Variants in MOGAT2 observed in about 807,000 individuals in gnomAD.
The protein encoded by MOGAT2 is monoacylglycerol O-acyltransferase 2.
MOGAT2 carries 27 observed loss-of-function variants against 31.5 expected under a neutral mutation model. That is an observed-to-expected ratio of 0.86 (90% CI 0.63 to 1.18). MOGAT2 has a LOEUF of 1.18. MOGAT2 is among the 50% of genes most tolerant of loss of function. The pLI is 0.00. For missense variants in MOGAT2, 436 were observed against 433.2 expected, an observed-to-expected ratio of 1.01 and a Z score of -0.06; for synonymous variants, 163 against 170.0, an observed-to-expected ratio of 0.96 and a Z score of 0.32.
chr11:75,729,793 G>A (rs539408457), intron 5 of MOGAT2, among the ~76,000 whole-genome samples: 57 of 130,728 alleles, frequency 4.4e-4, no homozygotes, highest in African/African-American at 1.6e-3. Context: ...TGCCCAGGCT[G>A]GAGTGCAGTG....
intron 5 of MOGAT2, among the ~76,000 whole-genome samples, chr11:75,729,744 T>TC (rs1565302387): frequency 7.3e-6 from 1 of 137,286 alleles, no homozygotes; most frequent in African/African-American, 3.0e-5. Flanking sequence ...TTAATTCTTT[T>TC]TTTTTTTTGT....
intron 3 of MOGAT2, 58 bp downstream of exon 3, chr11:75,727,697 C>G (rs1179242194): frequency 1.3e-6 from 2 of 1,513,186 alleles, no homozygotes. Context: ...GAAGGGTTGC[C>G]AATAGTTCTG....
intron 2 of MOGAT2, 53 bp from the exon 3 acceptor site, chr11:75,727,382 T>C (rs1590842171): frequency 6.5e-7 from 1 of 1,547,948 alleles, no homozygotes; most frequent in Non-Finnish European, 8.8e-7. Flanking sequence ...AGTGGCAGAG[T>C]CAGGGCTGGT....
At chr11:75,723,494 G>A (rs184886166) in intron 2 of MOGAT2, among the ~76,000 whole-genome samples, 1 of 151,638 alleles carries the variant, frequency 6.6e-6, no homozygotes, top group African/African-American at 2.4e-5. Flanking sequence ...GGATCATGGG[G>A]TGAAGAGACA....
At chr11:75,729,082 C>A in intron 5 of MOGAT2, 93 bp downstream of exon 5, 1 of 1,208,672 alleles carries the variant, frequency 8.3e-7, no homozygotes, top group South Asian at 1.3e-5. Context: ...AGATTTATTC[C>A]TGCCCTAATG....
rs1468794872 is a variant in MOGAT2, at chr11:75,728,040, C to T, written c.546C>T (p.Gly182=). 1.9e-6 allele frequency: 3 copies of T among 1,613,998 alleles called. No homozygotes were observed. Among genetic ancestry groups the T allele is most frequent in the Non-Finnish European group, 2.5e-6 (3 of 1,179,928 alleles). ...GGAAGGGTGGCGGAAACTTGCTGGG[C>T]ATCATTGTAGGGGGTGCCCAGGAGG... The part of the protein sequence containing the change: ...LNRKGGGNLL[G]IIVGGAQEAL... The change falls in exon 4 of 6, where the codon GGC becomes GGT. Residue 182 remains glycine (G), a synonymous_variant. Transcript: ENST00000198801.
intron 4 of MOGAT2, 119 bp from the exon 5 acceptor site, chr11:75,728,671 G>A (rs967452059): frequency 9.7e-6 from 8 of 828,814 alleles, no homozygotes; most frequent in Non-Finnish European, 3.9e-6. Flanking sequence ...CTCCAGCCCA[G>A]GTGGCTGACC....
chr11:75,719,949 C>G, intron 1 of MOGAT2, 43 bp from the exon 2 acceptor site: 1 of 1,594,994 alleles, frequency 6.3e-7, no homozygotes, highest in Non-Finnish European at 8.5e-7. Flanking sequence ...ACCTGCCTTC[C>G]TCTCAGACCC....
At chr11:75,729,118 A>G in intron 5 of MOGAT2, 129 bp downstream of exon 5, 1 of 816,974 alleles carries the variant, frequency 1.2e-6, no homozygotes, top group Non-Finnish European at 2.0e-6. Flanking sequence ...ACTGGGAAAC[A>G]TACACACACA....
At chr11:75,725,537 G>C (rs917290454) in intron 2 of MOGAT2, among the ~76,000 whole-genome samples, 1 of 130,648 alleles carries the variant, frequency 7.7e-6, no homozygotes, top group Non-Finnish European at 1.6e-5. Context: ...AACAGAGTGA[G>C]ACTCTGTCTC....
chr11:75,722,055 G>T (rs1267121322), intron 2 of MOGAT2, among the ~76,000 whole-genome samples: 3 of 152,324 alleles, frequency 2.0e-5, no homozygotes, highest in East Asian at 3.9e-4. Flanking sequence ...CACGAAGGGT[G>T]GTAGATGTGG....
chr11:75,720,322 T>A, intron 2 of MOGAT2, 152 bp downstream of exon 2: 2 of 805,932 alleles, frequency 2.5e-6, no homozygotes, highest in East Asian at 2.6e-5. Flanking sequence ...CGCTACTATG[T>A]GACCTAGAGA....
intron 1 of MOGAT2, 49 bp from the exon 2 acceptor site, chr11:75,719,943 G>A (rs766905527): frequency 1.2e-5 from 19 of 1,583,762 alleles, no homozygotes; most frequent in Middle Eastern, 3.3e-4. Flanking sequence ...AATCTCACCT[G>A]CCTTCCTCTC....
rs536055213 is a variant in MOGAT2, at chr11:75,732,690, C to T, written c.*1404C>T. On this transcript the variant is annotated 3_prime_UTR_variant, in exon 6 of 6. Transcript: ENST00000198801. The stretch of plus-strand genomic sequence containing the variant: ...TGCCATATCCTCCCCATTATCTCCC[C>T]CTTGTCTGGATAATTCCTACTCATC... The T allele has an allele frequency of 1.6e-4, 25 of 152,370 alleles. No individual in the cohort carries two copies. The highest frequency in any genetic ancestry group is 5.8e-4 in the African/African-American group (24 of 41,548). 9.4% of individuals were successfully genotyped at this position (152,370 alleles called of 1,614,324 possible). A position where few individuals can be genotyped will look rare whatever the true frequency, so the allele number is the denominator to read the frequency against.
chr11:75,721,782 T>C (rs1210296168), intron 2 of MOGAT2, among the ~76,000 whole-genome samples: 1 of 151,972 alleles, frequency 6.6e-6, no homozygotes, highest in Admixed American at 6.6e-5. Flanking sequence ...AGAAACAAGG[T>C]CTCCAGCTTG....
chr11:75,721,640 G>C (rs1409844178), intron 2 of MOGAT2, among the ~76,000 whole-genome samples: 1 of 152,108 alleles, frequency 6.6e-6, no homozygotes, highest in African/African-American at 2.4e-5. Context: ...TCGGCAGTGG[G>C]ACTCTGAGGA....
intron 5 of MOGAT2, among the ~76,000 whole-genome samples, chr11:75,730,580 T>C (rs985099982): frequency 2.0e-5 from 3 of 152,156 alleles, no homozygotes; most frequent in African/African-American, 7.2e-5. Flanking sequence ...AGGGAGTATT[T>C]CATGTAAAGC....
In MOGAT2 at chr11:75,728,820, G is replaced by A; in HGVS notation, c.681G>A (p.Gly227=). The change falls in exon 5 of 6, where the codon GGG becomes GGA. Residue 227 remains glycine (G), a synonymous_variant. Transcript: ENST00000198801. The part of the protein sequence containing the change: ...GAPLVPIFSF[G]ENDLFDQIPN... ...CCCTGGTGCCAATCTTCTCCTTCGG[G>A]GAGAATGACCTATTTGACCAGATTC... The A allele has an allele frequency of 3.1e-6, 5 of 1,614,200 alleles. No homozygotes were observed. Among genetic ancestry groups the A allele is most frequent in the Non-Finnish European group, 3.4e-6 (4 of 1,180,040 alleles).
At chr11:75,729,749 T>TTG (rs1555053910) in intron 5 of MOGAT2, among the ~76,000 whole-genome samples, 1 of 140,344 alleles carries the variant, frequency 7.1e-6, no homozygotes, top group African/African-American at 2.8e-5. Context: ...TCTTTTTTTT[T>TTG]TTTGTTTTTT....
Sources: allele counts gnomAD v4.1 joint callset (sites outside exome capture counted in the v4.1 genomes callset), GRCh38; gene constraint gnomAD v4.1.1; transcripts MANE v1.5; gene names NCBI Gene and HGNC (gene_info 2026-07-23, HGNC 2026-07-21).